DEPDC1: variants seen among roughly 807,000 people sequenced by gnomAD.
DEPDC1 encodes DEP domain containing 1, also known as DEP domain-containing protein 1A.
A neutral mutation model predicts 86.8 loss-of-function variants in DEPDC1; 66 were observed. The observed-to-expected ratio is 0.76, with a 90% CI of 0.62 to 0.93. The LOEUF (loss-of-function observed/expected upper bound fraction) is 0.93. DEPDC1 is among the 40% of genes least tolerant of loss of function. DEPDC1 has a pLI of 0.00. For synonymous variants in DEPDC1, 255 were observed against 314.9 expected (o/e 0.81, Z 2.02); for missense variants, 792 against 935.7 (o/e 0.85, Z 2.00).
At chr1:68,491,616 A>C (rs573669155) in intron 2 of DEPDC1, among the ~76,000 whole-genome samples, 2 of 152,318 alleles carry the variant, frequency 1.3e-5, no homozygotes, top group Non-Finnish European at 2.9e-5. Context: ...TTGCTCATTC[A>C]TATCTCCCTC....
intron 2 of DEPDC1, among the ~76,000 whole-genome samples, chr1:68,489,859 G>C (rs552957183): frequency 1.3e-5 from 2 of 151,776 alleles, no homozygotes; most frequent in African/African-American, 4.8e-5. Context: ...TCTGGTAGAG[G>C]GGTATTGCTT....
intron 5 of DEPDC1, among the ~76,000 whole-genome samples, chr1:68,487,843 A>C (rs1323698952): frequency 6.6e-6 from 1 of 151,890 alleles, no homozygotes; most frequent in Non-Finnish European, 1.5e-5. Flanking sequence ...TTTTGTATCT[A>C]AATCTGAAAT....
rs1646104092 is a variant in DEPDC1 at position 68,474,834 on chromosome 1, G to C, written c.*2098C>G. ...TAGATTAAAAAATTTCAACCAGTAG[G>C]CATAATCAGAACCTTTGTCTCATAA... is the stretch of plus-strand genomic sequence containing the variant. On this transcript the variant is annotated 3_prime_UTR_variant, in exon 12 of 12. Coordinates refer to ENST00000456315, the MANE Select transcript of DEPDC1 (RefSeq NM_001114120.3). 1 of 151,908 alleles carries C rather than the reference G, an allele frequency of 6.6e-6. No homozygotes were observed. Among genetic ancestry groups the C allele is most frequent in the Non-Finnish European group, 1.5e-5 (1 of 67,906 alleles). The allele number at this position is 151,908 out of a possible 1,614,324, so 9.4% of individuals were successfully genotyped here.
chr1:68,488,426 G>T lies in DEPDC1; in HGVS notation c.669C>A (p.Tyr223Ter), dbSNP rs1646207061. The change falls in exon 5 of 12, where the codon TAC becomes TAA. Residue 223 changes from tyrosine (Y) to a stop codon, truncating the protein, a stop_gained. Transcript: ENST00000456315. LOFTEE classifies it high-confidence loss of function. Reference sequence around the variant, plus strand: ...CACGTTTACTTGTATTGGCCATGTTGTACATTATATATTGGGGAATTACTT... The same window carrying T: ...CACGTTTACTTGTATTGGCCATGTTTTACATTATATATTGGGGAATTACTT... ...PKQVIPQYIM[Y>*]NMANTSKRGV... 1 of 1,606,176 alleles carries T rather than the reference G, an allele frequency of 6.2e-7. No homozygotes were observed. Among genetic ancestry groups the T allele is most frequent in the Admixed American group, 1.7e-5 (1 of 59,184 alleles).
intron 5 of DEPDC1, among the ~76,000 whole-genome samples, chr1:68,487,726 G>T (rs927561772): frequency 5.3e-5 from 8 of 152,010 alleles, no homozygotes; most frequent in Admixed American, 6.6e-5. Context: ...TCCACAGACA[G>T]AAACTTATCA....
chr1:68,492,807 T>C (rs967787461), intron 2 of DEPDC1, among the ~76,000 whole-genome samples: 6 of 152,166 alleles, frequency 3.9e-5, no homozygotes, highest in Non-Finnish European at 7.4e-5. Flanking sequence ...GGGAGCACAA[T>C]AGACTAAATC....
intron 7 of DEPDC1, 100 bp from the exon 8 acceptor site, chr1:68,482,997 G>C: frequency 1.6e-6 from 2 of 1,228,818 alleles, no homozygotes; most frequent in Non-Finnish European, 2.2e-6. Context: ...CATTACTATA[G>C]TATATATTGT....
intron 1 of DEPDC1, among the ~76,000 whole-genome samples, chr1:68,495,177 T>C (rs1419885604): frequency 1.3e-5 from 2 of 152,206 alleles, no homozygotes; most frequent in African/African-American, 4.8e-5. Flanking sequence ...ACTGCTTTCT[T>C]TTTATTAATT....
chr1:68,477,677 C>T (rs781779220), intron 11 of DEPDC1, 110 bp downstream of exon 11: 7 of 760,354 alleles, frequency 9.2e-6, no homozygotes, highest in Non-Finnish European at 1.3e-5. Context: ...ATAACTCAAA[C>T]TTAAAATCTA....
At chr1:68,492,907 CTTAGG>C (rs1442466431) in intron 2 of DEPDC1, among the ~76,000 whole-genome samples, 6 of 152,098 alleles carry the variant, frequency 3.9e-5, no homozygotes, top group African/African-American at 1.4e-4. Context: ...GAAGACAAAA[CTTAGG>C]TTAGAGGGTG....
At chr1:68,489,075 AT>A (rs766298362) in intron 3 of DEPDC1, 41 bp from the exon 4 acceptor site, 1 of 1,224,548 alleles carries the variant, frequency 8.2e-7, no homozygotes, top group East Asian at 2.3e-5. Flanking sequence ...TTATGCTCAA[AT>A]TTTTTAAATA....
At position 68,476,711 on chromosome 1, in the gene DEPDC1, C is replaced by CA. The variant is rs1008076511; in HGVS notation, c.*220dup. 5.0e-5 allele frequency: 19 copies of CA among 379,482 alleles called. No individual in the cohort carries two copies. Among genetic ancestry groups the CA allele is most frequent in the African/African-American group, 3.5e-4 (17 of 48,020 alleles). The allele number at this position is 379,482 out of a possible 1,614,324, so 23.5% of individuals were successfully genotyped here. The stretch of plus-strand genomic sequence containing the variant: ...CCTTACTGGATAGCTGTGTTAAAAA[C>CA]AAAAAGTATTTGGTATCATCTATTG... On this transcript the variant is annotated 3_prime_UTR_variant, in exon 12 of 12. Transcript: ENST00000456315.
At chr1:68,477,211 C>T in intron 11 of DEPDC1, 142 bp from the exon 12 acceptor site, 3 of 597,372 alleles carry the variant, frequency 5.0e-6, no homozygotes, top group Non-Finnish European at 8.2e-6. Flanking sequence ...CCTTGCCTTT[C>T]CCTCTCTCTT....
rs1646127618 is a variant in DEPDC1 at position 68,477,864 on chromosome 1, C to T, written c.2221G>A (p.Ala741Thr). Residue 741 changes from alanine (A) to threonine (T), a missense_variant, in exon 11 of 12, where the codon GCA becomes ACA. Transcript: ENST00000456315. ...DEQKVSTSQA[A>T]IAELLENIIK... ...ATATTTTCTAAAAGTTCTGCAATTG[C>T]AGCTTGAGAGGTAGAAACTTTTTGC... 6.3e-7 allele frequency: 1 copy of T among 1,588,112 alleles called. No individual in the cohort carries two copies. The highest frequency in any genetic ancestry group is 8.6e-7 in the Non-Finnish European group (1 of 1,166,500).
rs199526146 is a variant in DEPDC1, at chr1:68,496,921, T to G, written c.48+31A>C. On this transcript the variant is annotated intron_variant, in intron 1 of 11. Coordinates refer to ENST00000456315, the MANE Select transcript of DEPDC1 (RefSeq NM_001114120.3). The surrounding 1 kb of genome is among the most constrained non-coding windows in gnomAD (Gnocchi z 4.0). Reference sequence around the variant, plus strand: ...ACAGTGGTGACTGCCGTCAGCCCGCTGACCGGTCCCGTCTATCCGAGCTGT... The same window carrying G: ...ACAGTGGTGACTGCCGTCAGCCCGCGGACCGGTCCCGTCTATCCGAGCTGT... 1 of 1,607,880 alleles carries G rather than the reference T, an allele frequency of 6.2e-7. No individual in the cohort carries two copies. The highest frequency in any genetic ancestry group is 2.3e-5 in the East Asian group (1 of 44,330).
intron 7 of DEPDC1, chr1:68,483,448 G>A (rs1427381683): frequency 4.9e-6 from 2 of 409,026 alleles, no homozygotes; most frequent in Non-Finnish European, 9.4e-6. Flanking sequence ...GCTAGAGATT[G>A]AGTTCAATTG....
chr1:68,487,933 T>C (rs1489519266), intron 5 of DEPDC1, among the ~76,000 whole-genome samples: 3 of 151,854 alleles, frequency 2.0e-5, no homozygotes, highest in Admixed American at 6.6e-5. Context: ...CTTATTTTGT[T>C]GTGTTATTAC....
intron 7 of DEPDC1, chr1:68,483,196 C>T: frequency 1.9e-6 from 1 of 537,524 alleles, no homozygotes; most frequent in South Asian, 1.6e-5. Flanking sequence ...TCTCAGTCTG[C>T]AAGTACTAGA....
chr1:68,490,350 TGTAA>T (rs1363954445), intron 2 of DEPDC1, among the ~76,000 whole-genome samples: 1 of 151,368 alleles, frequency 6.6e-6, no homozygotes, highest in Non-Finnish European at 1.5e-5. Flanking sequence ...AGCTCCCACT[TGTAA>T]GTGAGAGCAT....
Sources: gnomAD v4.1 joint callset for allele counts (sites outside exome capture counted in the v4.1 genomes callset) on GRCh38, gnomAD v4.1.1 for gene constraint, Gnocchi (gnomAD v3.1) non-coding constraint, MANE v1.5 for transcripts, NCBI Gene and HGNC (gene_info 2026-07-23, HGNC 2026-07-21) for gene names.